Variants in THADA observed in about 807,000 individuals in gnomAD.
THADA encodes THADA armadillo repeat containing.
In THADA, 213 loss-of-function variants were observed where a neutral mutation model predicts 219.8. The observed-to-expected ratio is 0.97, with a 90% CI of 0.87 to 1.09. The LOEUF (loss-of-function observed/expected upper bound fraction) is 1.09, where lower values mean the gene tolerates loss of function less well. Among genes scored for constraint, THADA ranks in the 50% least tolerant of loss-of-function variants. THADA has a pLI of 0.00. For synonymous variants in THADA, 1,018 were observed against 828.9 expected, an observed-to-expected ratio of 1.23 and a Z score of -3.92; for missense variants, 2,956 against 2,311.3, an observed-to-expected ratio of 1.28 and a Z score of -5.72.
intron 26 of THADA, chr2:43,430,660 C>A: frequency 2.2e-6 from 1 of 457,972 alleles, no homozygotes; most frequent in Non-Finnish European, 4.4e-6. Context: ...ACTGACTCAG[C>A]TTCAGTGATA....
intron 28 of THADA, among the ~76,000 whole-genome samples, chr2:43,414,098 T>C (rs1050562291): frequency 1.3e-5 from 2 of 152,266 alleles, no homozygotes; most frequent in Non-Finnish European, 2.9e-5. Context: ...TTTATTGTTG[T>C]GTTTACTTTT....
chr2:43,488,835 T>A (rs1339202775), intron 25 of THADA, among the ~76,000 whole-genome samples: 1 of 152,162 alleles, frequency 6.6e-6, no homozygotes, highest in East Asian at 1.9e-4. Context: ...CTCCACATCC[T>A]CCCTAATACT....
intron 29 of THADA, among the ~76,000 whole-genome samples, chr2:43,344,566 T>C (rs574238474): frequency 1.3e-5 from 2 of 152,368 alleles, no homozygotes; most frequent in East Asian, 1.9e-4. Context: ...AACATCTTTA[T>C]GTTAGCTGTC....
Position 43,551,928 on chromosome 2 carries a change from G to A in THADA, c.2811-3C>T, listed in dbSNP as rs990953259. On this transcript the variant is annotated splice_polypyrimidine_tract_variant and splice_region_variant and intron_variant, in intron 18 of 37. Coordinates refer to ENST00000405975, the MANE Select transcript of THADA (RefSeq NM_022065.5). ...ACTCGCTCACCAACTGCAGGCTGCT[G>A]CAACAAGGACATTAGGGAAATTTAT... 4 of 1,604,230 alleles carry A rather than the reference G, an allele frequency of 2.5e-6. No homozygotes were observed. In the South Asian group the frequency reaches 4.5e-5, roughly 18 times the overall value.
chr2:43,403,339 A>G (rs915696103), intron 28 of THADA, among the ~76,000 whole-genome samples: 1 of 152,210 alleles, frequency 6.6e-6, no homozygotes, highest in Admixed American at 6.5e-5. Context: ...AGAACAACGA[A>G]GATGATGCTG....
At chr2:43,346,179 G>C (rs1003700455) in intron 29 of THADA, among the ~76,000 whole-genome samples, 3 of 152,140 alleles carry the variant, frequency 2.0e-5, no homozygotes, top group African/African-American at 7.2e-5. Context: ...GAGAAGAGAA[G>C]ACAGGGGAAA....
At chr2:43,286,278 G>T (rs559471802) in intron 35 of THADA, among the ~76,000 whole-genome samples, 2 of 152,328 alleles carry the variant, frequency 1.3e-5, no homozygotes, top group South Asian at 4.1e-4. Flanking sequence ...AGAAAAGGAA[G>T]GGCCTTATGA....
chr2:43,276,225 G>A (rs1395800473), intron 36 of THADA, among the ~76,000 whole-genome samples: 1 of 152,170 alleles, frequency 6.6e-6, no homozygotes, highest in South Asian at 2.1e-4. Flanking sequence ...ACAGAGTGGG[G>A]AGGGAGGGGC....
At chr2:43,298,837 TA>T (rs1675907779) in intron 31 of THADA, among the ~76,000 whole-genome samples, 1 of 152,102 alleles carries the variant, frequency 6.6e-6, no homozygotes, top group Non-Finnish European at 1.5e-5. Context: ...GTAATGAAGG[TA>T]GACATTCCTT....
intron 24 of THADA, among the ~76,000 whole-genome samples, chr2:43,504,947 A>G (rs1465338055): frequency 1.3e-5 from 2 of 152,216 alleles, no homozygotes; most frequent in African/African-American, 4.8e-5. Flanking sequence ...AGTCCAGACT[A>G]TAACGTACAA....
At chr2:43,505,796 T>G in intron 23 of THADA, 61 bp from the exon 24 acceptor site, 1 of 1,208,142 alleles carries the variant, frequency 8.3e-7, no homozygotes, top group Non-Finnish European at 1.2e-6. Context: ...TGTTTGCTGC[T>G]TCCCTGGATC....
At chr2:43,239,884 C>G (rs895389109) in intron 36 of THADA, among the ~76,000 whole-genome samples, 1 of 152,198 alleles carries the variant, frequency 6.6e-6, no homozygotes, top group Non-Finnish European at 1.5e-5. Context: ...ACCCATCAAT[C>G]TGATATTTTA....
At position 43,577,171 on chromosome 2, in the gene THADA, G is replaced by A. The variant is rs762258981; in HGVS notation, c.888C>T (p.Ser296=). 1.2e-6 allele frequency: 2 copies of A among 1,608,374 alleles called. No homozygotes were observed. The highest frequency in any genetic ancestry group is 1.7e-5 in the Admixed American group (1 of 59,178). ...VPEWFMSSCR[S]LCCGDISQSA... ...ACTGAGAGATGTCACCACAACAGAG[G>A]CTCCTGCAGCTGCTCATAAACCACT... The change falls in exon 10 of 38, where the codon AGC becomes AGT. Residue 296 remains serine (S), a synonymous_variant. Coordinates refer to ENST00000405975, the MANE Select transcript of THADA (RefSeq NM_022065.5).
intron 2 of THADA, 48 bp downstream of exon 2, chr2:43,592,269 C>G (rs373846958): frequency 7.1e-7 from 1 of 1,406,202 alleles, no homozygotes; most frequent in Non-Finnish European, 9.7e-7. Context: ...AAATACTCTG[C>G]TTGCAAACTA....
At chr2:43,306,161 C>A (rs566355062) in intron 31 of THADA, among the ~76,000 whole-genome samples, 26 of 152,076 alleles carry the variant, frequency 1.7e-4, no homozygotes, top group Non-Finnish European at 3.4e-4. Flanking sequence ...CAGGCACGAG[C>A]CCCCATGCCT....
At chr2:43,262,557 G>A (rs1452648253) in intron 36 of THADA, among the ~76,000 whole-genome samples, 3 of 152,188 alleles carry the variant, frequency 2.0e-5, no homozygotes, top group Non-Finnish European at 2.9e-5. Flanking sequence ...TGGCTTTTCT[G>A]TCACATGTAG....
At chr2:43,233,488 T>A (rs1284860138) in intron 36 of THADA, 1 of 152,226 alleles carries the variant, frequency 6.6e-6, no homozygotes, top group East Asian at 1.9e-4. Context: ...AAAATATTAT[T>A]TTTTCCCAAC....
chr2:43,488,914 C>G (rs748342365), intron 25 of THADA, among the ~76,000 whole-genome samples: 43 of 152,304 alleles, frequency 2.8e-4, no homozygotes, highest in Non-Finnish European at 3.4e-4. Context: ...TCCCTCATGA[C>G]TAATGGTGTT....
intron 30 of THADA, among the ~76,000 whole-genome samples, chr2:43,325,167 G>A (rs2104476927): frequency 6.6e-6 from 1 of 152,320 alleles, no homozygotes; most frequent in African/African-American, 2.4e-5. Flanking sequence ...GAGGCACAAG[G>A]CAGGCAGAGG....
Sources: allele counts gnomAD v4.1 joint callset (sites outside exome capture counted in the v4.1 genomes callset), GRCh38; gene constraint gnomAD v4.1.1; transcripts MANE v1.5; gene names NCBI Gene and HGNC (gene_info 2026-07-23, HGNC 2026-07-21).